Variants in MAGI2 observed in about 807,000 individuals in gnomAD.
MAGI2 encodes the protein membrane-associated guanylate kinase, WW and PDZ domain-containing protein 2.
MAGI2 carries 35 observed loss-of-function variants against 133.3 expected under a neutral mutation model. That is an observed-to-expected ratio of 0.26 (90% CI 0.20 to 0.35). The LOEUF (loss-of-function observed/expected upper bound fraction) is 0.35, where lower values mean the gene tolerates loss of function less well. Among genes scored for constraint, MAGI2 ranks in the 10% least tolerant of loss-of-function variants. The pLI is 1.00. For missense variants in MAGI2, 1,636 were observed against 1,863.4 expected, an observed-to-expected ratio of 0.88 and a Z score of 2.25; for synonymous variants, 729 against 710.6, an observed-to-expected ratio of 1.03 and a Z score of -0.41.
At chr7:79,158,287 C>T (rs566589085) in intron 1 of MAGI2, among the ~76,000 whole-genome samples, 29 of 151,984 alleles carry the variant, frequency 1.9e-4, no homozygotes, top group African/African-American at 6.3e-4. Flanking sequence ...GTGTACACAA[C>T]GTTTCACTAC....
intron 1 of MAGI2, among the ~76,000 whole-genome samples, chr7:79,356,636 T>C (rs1842036488): frequency 6.6e-6 from 1 of 152,182 alleles, no homozygotes; most frequent in African/African-American, 2.4e-5. Context: ...AGTGATACTA[T>C]CTTAAACAAT....
intron 2 of MAGI2, among the ~76,000 whole-genome samples, chr7:78,866,325 T>C (rs1246862140): frequency 6.6e-6 from 1 of 152,080 alleles, no homozygotes; most frequent in Non-Finnish European, 1.5e-5. Flanking sequence ...TAACTTCTCA[T>C]CTAAACAGAG....
chr7:78,817,438 A>G (rs575999579), intron 2 of MAGI2, among the ~76,000 whole-genome samples: 1 of 152,296 alleles, frequency 6.6e-6, no homozygotes, highest in African/African-American at 2.4e-5. Flanking sequence ...CATGCTAGAG[A>G]GAAATCTGTT....
At chr7:78,859,431 C>T (rs901059062) in intron 2 of MAGI2, among the ~76,000 whole-genome samples, 1 of 151,510 alleles carries the variant, frequency 6.6e-6, no homozygotes, top group African/African-American at 2.4e-5. Flanking sequence ...TTAGGGCAGG[C>T]CTGGTGGTGA....
At chr7:78,879,228 C>G (rs1044308817) in intron 2 of MAGI2, among the ~76,000 whole-genome samples, 2 of 152,154 alleles carry the variant, frequency 1.3e-5, no homozygotes, top group African/African-American at 2.4e-5. Flanking sequence ...TACTCTGGCC[C>G]CACCCATACT....
chr7:78,825,491 T>G (rs1310324665), intron 2 of MAGI2, among the ~76,000 whole-genome samples: 1 of 152,222 alleles, frequency 6.6e-6, no homozygotes, highest in Non-Finnish European at 1.5e-5. Context: ...CTGCAGTGTT[T>G]CATACATTTC....
intron 6 of MAGI2, among the ~76,000 whole-genome samples, chr7:78,408,983 G>A (rs1012022782): frequency 6.6e-6 from 1 of 151,998 alleles, no homozygotes; most frequent in African/African-American, 2.4e-5. Flanking sequence ...TAGAGGATGA[G>A]GTTAGAATAT....
intron 2 of MAGI2, among the ~76,000 whole-genome samples, chr7:78,976,687 A>C (rs954015210): frequency 7.1e-6 from 1 of 141,156 alleles, no homozygotes; most frequent in East Asian, 2.1e-4. Flanking sequence ...GACTTTTTTT[A>C]AAATGTAGAA....
intron 2 of MAGI2, among the ~76,000 whole-genome samples, chr7:78,938,768 C>T (rs10085753): frequency 0.13 from 20,496 of 152,056 alleles, 3,278 homozygotes; most frequent in African/African-American, 0.37. Flanking sequence ...CAGAAATTTG[C>T]AAATAACCTA....
At chr7:78,585,002 A>G (rs987751109) in intron 3 of MAGI2, among the ~76,000 whole-genome samples, 4 of 152,202 alleles carry the variant, frequency 2.6e-5, no homozygotes, top group Admixed American at 2.0e-4. Flanking sequence ...GGATTTAAAG[A>G]TGTTTGAAAA....
At chr7:78,576,851 C>A (rs1051800225) in intron 3 of MAGI2, among the ~76,000 whole-genome samples, 2 of 152,114 alleles carry the variant, frequency 1.3e-5, no homozygotes, top group African/African-American at 4.8e-5. Context: ...GTAATCCTAG[C>A]ACTTTGGGAG....
intron 1 of MAGI2, among the ~76,000 whole-genome samples, chr7:79,022,570 A>G (rs1053418729): frequency 2.6e-5 from 4 of 151,862 alleles, no homozygotes; most frequent in Admixed American, 6.6e-5. Context: ...CCTACAAAAC[A>G]TAAACCTTCT....
intron 1 of MAGI2, among the ~76,000 whole-genome samples, chr7:79,029,392 A>G (rs1448877030): frequency 6.6e-6 from 1 of 152,204 alleles, no homozygotes; most frequent in African/African-American, 2.4e-5. Flanking sequence ...TTAACTAAAG[A>G]TGGGGTATTT....
chr7:78,605,852 A>G (rs1242222323), intron 3 of MAGI2, among the ~76,000 whole-genome samples: 1 of 152,162 alleles, frequency 6.6e-6, no homozygotes, highest in African/African-American at 2.4e-5. Context: ...TTTTATGGAG[A>G]CTGTGACGGG....
intron 2 of MAGI2, among the ~76,000 whole-genome samples, chr7:78,708,891 CTCT>C (rs984438040): frequency 1.4e-4 from 22 of 152,108 alleles, no homozygotes; most frequent in African/African-American, 4.8e-4. Context: ...AGACATTTTT[CTCT>C]TCTTAGTTCC....
intron 3 of MAGI2, among the ~76,000 whole-genome samples, chr7:78,563,189 C>G (rs752207672): frequency 3.3e-5 from 5 of 152,096 alleles, no homozygotes; most frequent in Non-Finnish European, 5.9e-5. Flanking sequence ...CTGAGCCATC[C>G]TTGCAAGATG....
intron 2 of MAGI2, among the ~76,000 whole-genome samples, chr7:78,948,301 C>CT (rs59712945): frequency 4.7e-4 from 71 of 149,546 alleles, no homozygotes; most frequent in Non-Finnish European, 6.6e-4. Context: ...TTTATTTCTA[C>CT]TTTTTTTTTT....
intron 9 of MAGI2, among the ~76,000 whole-genome samples, chr7:78,278,304 A>ACAAT (rs1424753695): frequency 1.3e-5 from 2 of 152,158 alleles, no homozygotes; most frequent in East Asian, 3.9e-4. Context: ...GGAGTAGAAG[A>ACAAT]CAATCAAGTT....
intron 1 of MAGI2, among the ~76,000 whole-genome samples, chr7:79,251,034 T>C (rs888120027): frequency 3.9e-5 from 6 of 152,130 alleles, no homozygotes; most frequent in Non-Finnish European, 7.4e-5. Context: ...TGGATATCCA[T>C]ATGCAGAAGA....
Sources: gnomAD v4.1 joint callset for allele counts (sites outside exome capture counted in the v4.1 genomes callset) on GRCh38, gnomAD v4.1.1 for gene constraint, MANE v1.5 for transcripts, NCBI Gene and HGNC (gene_info 2026-07-23, HGNC 2026-07-21) for gene names.